The following RASEF variants were observed in gnomAD, a reference collection of about 807,000 sequenced individuals.
RASEF encodes RAS and EF-hand domain containing.
A neutral mutation model predicts 90.1 loss-of-function variants in RASEF; 68 were observed. That is an observed-to-expected ratio of 0.75 (90% confidence interval 0.62 to 0.92). The LOEUF is 0.92. Ranked by LOEUF, RASEF falls within the 40% of genes least tolerant of loss-of-function variation. The pLI, the probability that RASEF is intolerant of heterozygous loss-of-function variation, is 0.00. For missense variants in RASEF, 949 were observed against 937.2 expected (o/e 1.01, Z -0.16); for synonymous variants, 331 against 345.2 (o/e 0.96, Z 0.46).
the RASEF span, among the ~76,000 whole-genome samples, chr9:83,084,927 T>C: frequency 1.4e-3 from 206 of 152,366 alleles, 2 homozygotes; most frequent in African/African-American, 4.8e-3. Context: ...ACTTATTATA[T>C]ATTTAAAATA....
At chr9:83,062,075 A>T (rs866507702) in intron 1 of RASEF, among the ~76,000 whole-genome samples, 13 of 152,320 alleles carry the variant, frequency 8.5e-5, no homozygotes, top group South Asian at 8.3e-4. Context: ...CTGGGGTGAG[A>T]GCCTAAGGCC....
chr9:83,131,366 G>T, the RASEF span, among the ~76,000 whole-genome samples: 1 of 152,174 alleles, frequency 6.6e-6, no homozygotes, highest in Admixed American at 6.5e-5. Context: ...GGATTGAAAG[G>T]AAACAATTTA....
chr9:83,205,122 A>G, the RASEF span, among the ~76,000 whole-genome samples: 1 of 152,242 alleles, frequency 6.6e-6, no homozygotes, highest in Non-Finnish European at 1.5e-5. Context: ...AACACAAAAC[A>G]AAGTTGATGA....
chr9:83,007,553 T>C, intron 6 of RASEF, 48 bp from the exon 7 acceptor site: 1 of 1,355,472 alleles, frequency 7.4e-7, no homozygotes, highest in South Asian at 1.2e-5. Context: ...TGTCAAGTCC[T>C]GCCTCACGTA....
chr9:83,059,813 C>T (rs1326809153), intron 1 of RASEF, among the ~76,000 whole-genome samples: 4 of 152,118 alleles, frequency 2.6e-5, no homozygotes, highest in East Asian at 1.9e-4. Flanking sequence ...TCAGCTTACC[C>T]GGTCACACAA....
the RASEF span, among the ~76,000 whole-genome samples, chr9:83,178,543 G>C: frequency 6.6e-5 from 10 of 152,074 alleles, no homozygotes; most frequent in Non-Finnish European, 7.4e-5. Flanking sequence ...TGCTATGTGT[G>C]TCTTCTAACT....
chr9:83,139,414 C>G, the RASEF span, among the ~76,000 whole-genome samples: 87 of 152,114 alleles, frequency 5.7e-4, no homozygotes, highest in Non-Finnish European at 1.1e-3. Context: ...TGAGCAGAAG[C>G]CTTACTGATA....
chr9:83,118,790 T>G, the RASEF span, among the ~76,000 whole-genome samples: 2 of 152,210 alleles, frequency 1.3e-5, no homozygotes, highest in South Asian at 4.1e-4. Context: ...CAGCTAAAAC[T>G]TGACAAATGA....
the RASEF span, among the ~76,000 whole-genome samples, chr9:83,164,039 A>G: frequency 6.6e-6 from 1 of 151,246 alleles, no homozygotes; most frequent in African/African-American, 2.4e-5. Context: ...GTAACCTACA[A>G]AACTATCCTT....
At position 82,992,965 on chromosome 9, in the gene RASEF, T is replaced by C; in HGVS notation, c.1981A>G (p.Thr661Ala). The C allele has an allele frequency of 6.2e-7, 1 of 1,613,848 alleles. No individual in the cohort carries two copies. Among genetic ancestry groups the C allele is most frequent in the Non-Finnish European group, 8.5e-7 (1 of 1,179,856 alleles). Residue 661 changes from threonine to alanine, a missense_variant, in exon 15 of 17, where the codon ACT (threonine) becomes GCT (alanine). Transcript: ENST00000376447. ...LVGNKADIRDTAATEGQKCVP... is the reference protein window; with the variant it reads ...LVGNKADIRDAAATEGQKCVP... ...CATTTTTGTCCCTCTGTAGCAGCAGTGTCACGAATGTCAGCCTTGTTTCCT... is the reference window on the plus strand; with the variant it reads ...CATTTTTGTCCCTCTGTAGCAGCAGCGTCACGAATGTCAGCCTTGTTTCCT...
At chr9:83,140,851 G>A in the RASEF span, among the ~76,000 whole-genome samples, 9 of 152,102 alleles carry the variant, frequency 5.9e-5, no homozygotes, top group South Asian at 6.2e-4. Context: ...GAGGTGCAAG[G>A]CTGTTATAAA....
the RASEF span, among the ~76,000 whole-genome samples, chr9:83,120,039 C>A: frequency 8.5e-5 from 13 of 152,172 alleles, no homozygotes; most frequent in Admixed American, 2.0e-4. Context: ...AAGGGAAAAT[C>A]CACAGTGACT....
At chr9:83,063,968 A>G (rs1295782838), upstream of RASEF, among the ~76,000 whole-genome samples, 1 of 152,132 alleles carries the variant, frequency 6.6e-6, no homozygotes, top group Admixed American at 6.5e-5. Flanking sequence ...GGCGATTCTC[A>G]TAGCCTGTGA....
chr9:83,042,492 T>C (rs1347745790), intron 1 of RASEF, among the ~76,000 whole-genome samples: 1 of 152,196 alleles, frequency 6.6e-6, no homozygotes, highest in Non-Finnish European at 1.5e-5. Context: ...CAAAATAATA[T>C]AACTCCATGT....
intron 5 of RASEF, 54 bp from the exon 6 acceptor site, chr9:83,009,810 A>G (rs1057216977): frequency 1.8e-6 from 2 of 1,101,340 alleles, no homozygotes; most frequent in Middle Eastern, 2.0e-4. Flanking sequence ...TCTGCCTGGG[A>G]GAAATGAAGT....
the RASEF span, among the ~76,000 whole-genome samples, chr9:83,163,791 T>C: frequency 6.7e-6 from 1 of 148,920 alleles, no homozygotes; most frequent in Non-Finnish European, 1.5e-5. Flanking sequence ...GAGAAAGGAG[T>C]AGAAGAAATA....
chr9:83,213,963 T>C, the RASEF span, among the ~76,000 whole-genome samples: 1 of 152,184 alleles, frequency 6.6e-6, no homozygotes, highest in Non-Finnish European at 1.5e-5. Flanking sequence ...AACATGCCTG[T>C]AATCCCAGCT....
At chr9:83,217,067 AAGG>A in the RASEF span, among the ~76,000 whole-genome samples, 1 of 152,134 alleles carries the variant, frequency 6.6e-6, no homozygotes, top group Non-Finnish European at 1.5e-5. Context: ...CATAAAGTCA[AAGG>A]AGATCATTTT....
At chr9:83,103,457 A>T in the RASEF span, among the ~76,000 whole-genome samples, 7 of 152,176 alleles carry the variant, frequency 4.6e-5, no homozygotes, top group African/African-American at 1.7e-4. Context: ...GATTTGCTTT[A>T]AATTATTCCA....
Sources: allele counts gnomAD v4.1 joint callset (sites outside exome capture counted in the v4.1 genomes callset), GRCh38; gene constraint gnomAD v4.1.1; transcripts MANE v1.5; gene names NCBI Gene and HGNC (gene_info 2026-07-23, HGNC 2026-07-21).